NBPF19: variants seen among roughly 807,000 people sequenced by gnomAD.
The protein encoded by NBPF19 is NBPF family member NBPF19.
In NBPF19, 30 loss-of-function variants were observed where a neutral mutation model predicts 45.9. The ratio of observed to expected loss-of-function variants is 0.65; its 90% CI spans 0.49 to 0.89. The LOEUF is 0.89. Among genes scored for constraint, NBPF19 ranks in the 40% least tolerant of loss-of-function variants. The pLI is 0.00. For synonymous variants in NBPF19, 183 were observed against 181.2 expected, an observed-to-expected ratio of 1.01 and a Z score of -0.08; for missense variants, 495 against 471.8, an observed-to-expected ratio of 1.05 and a Z score of -0.46.
At position 149,488,309 on chromosome 1, in the gene NBPF19, C is replaced by A. The variant is rs2085741784; in HGVS notation, c.1213+124C>A. ...TTGCCACAGGGAGGACCTATAGGCACATGTAGGTTGAATGAAACTCTAGTT... is the reference window on the plus strand; with the variant it reads ...TTGCCACAGGGAGGACCTATAGGCAAATGTAGGTTGAATGAAACTCTAGTT... On this transcript the variant is annotated intron_variant, in intron 10 of 93. Transcript: ENST00000651566. 35 of 596,402 alleles carry A rather than the reference C, an allele frequency of 5.9e-5. 3 individuals carry two copies. The South Asian group carries it at 6.9e-4, about 12-fold the overall frequency. The allele number at this position is 596,402 out of a possible 1,614,324, so 36.9% of individuals were successfully genotyped here.
chr1:149,488,384 C>A lies in NBPF19; in HGVS notation c.1213+199C>A, dbSNP rs1430623522. Among the ~76,000 whole-genome samples, 6 of 142,674 alleles carry A rather than the reference C, an allele frequency of 4.2e-5. 1 individual carries two copies. Among genetic ancestry groups the A allele is most frequent in the African/African-American group, 1.6e-4 (6 of 38,020 alleles). 93.6% of individuals were successfully genotyped at this position (142,674 alleles called of 152,430 possible). ...TGGTTCAGTGAGCAAGGCTCTCTTC[C>A]TAGTCTCAGGCCATACCTGTGGCGC... On this transcript the variant is annotated intron_variant, in intron 10 of 93. Transcript: ENST00000651566.
chr1:149,487,513 T>A (rs1265364836), intron 9 of NBPF19, 130 bp downstream of exon 9: 1 of 991,960 alleles, frequency 1.0e-6, no homozygotes, highest in Non-Finnish European at 1.6e-6. Flanking sequence ...CCTAATACAT[T>A]GCTTTTTTGT....
chr1:149,475,476 G>A lies in NBPF19; in HGVS notation c.-355G>A, dbSNP rs1219989026. On this transcript the variant is annotated 5_prime_UTR_variant, in exon 1 of 94. Coordinates refer to ENST00000651566, the MANE Select transcript of NBPF19 (RefSeq NM_001351365.2). ...ATGGGTCTGTGGCATTGTCACAAGG[G>A]TACACGAATACTGAGAGTGAATGCT... Among the ~76,000 whole-genome samples, 1 of 151,108 alleles carries A rather than the reference G, an allele frequency of 6.6e-6. No homozygotes were observed.
intron 9 of NBPF19, among the ~76,000 whole-genome samples, chr1:149,487,709 C>T (rs1320227815): frequency 6.7e-6 from 1 of 149,750 alleles, no homozygotes; most frequent in Non-Finnish European, 1.5e-5. Flanking sequence ...GTCCTGAGAG[C>T]ACAAATACAG....
Position 149,554,934 on chromosome 1 carries a change from G to T in NBPF19, c.*196G>T. The T allele has an allele frequency of 1.1e-6, 1 of 935,054 alleles. No individual in the cohort carries two copies. The highest frequency in any genetic ancestry group is 1.6e-6 in the Non-Finnish European group (1 of 619,456). 57.9% of individuals were successfully genotyped at this position (935,054 alleles called of 1,614,324 possible). On this transcript the variant is annotated 3_prime_UTR_variant, in exon 94 of 94. Coordinates refer to ENST00000651566, the MANE Select transcript of NBPF19 (RefSeq NM_001351365.2). The stretch of plus-strand genomic sequence containing the variant: ...AAGACAATGGACCCACGTTAGGTGT[G>T]ACACGTTCACATAACTGTGCAGCAC...
At chr1:149,487,970 T>C (rs2085715587) in intron 9 of NBPF19, 43 bp from the exon 10 acceptor site, 2 of 694,946 alleles carry the variant, frequency 2.9e-6, no homozygotes, top group Non-Finnish European at 5.3e-6. Context: ...GTGTGGTTTC[T>C]GATTCCCCCT....
rs1425299120 is a variant in NBPF19, at chr1:149,487,399, T to G, written c.1040+16T>G. 47 of 1,397,810 alleles carry G rather than the reference T, an allele frequency of 3.4e-5. 1 individual carries two copies. In the South Asian group the frequency reaches 5.2e-4, roughly 15 times the overall value. 86.6% of individuals were successfully genotyped at this position (1,397,810 alleles called of 1,614,324 possible). A position where few individuals can be genotyped will look rare whatever the true frequency, so the allele number is the denominator to read the frequency against. Reference sequence around the variant, plus strand: ...CAGGTCCCAGGTGAGTCTGAGAAATTGTGGACAGTTAATTTGATGTTGACA... The same window carrying G: ...CAGGTCCCAGGTGAGTCTGAGAAATGGTGGACAGTTAATTTGATGTTGACA... On this transcript the variant is annotated intron_variant, in intron 9 of 93. Transcript: ENST00000651566.
In NBPF19 at chr1:149,555,048, A is replaced by T; in HGVS notation, c.*310A>T. The T allele has an allele frequency of 2.2e-6, 1 of 449,788 alleles. No homozygotes were observed. The highest frequency in any genetic ancestry group is 4.8e-5 in the East Asian group (1 of 20,860). The allele number at this position is 449,788 out of a possible 1,614,324, so 27.9% of individuals were successfully genotyped here. A position where few individuals can be genotyped will look rare whatever the true frequency, so the allele number is the denominator to read the frequency against. On this transcript the variant is annotated 3_prime_UTR_variant, in exon 94 of 94. Transcript: ENST00000651566. ...TCCTCAGGGATTTCATTTTGCAGGC[A>T]TGTCTCTGAGCTTCTATACCTGCTC...
Position 149,478,902 on chromosome 1 carries a change from T to A in NBPF19, c.301T>A (p.Ser101Thr). The change falls in exon 4 of 94, where the codon TCT becomes ACT. Residue 101 changes from serine (S) to threonine (T), a missense_variant. Around this residue, in one of 8 missense-constraint regions of NBPF19, gnomAD observed 69 missense variants for 87.8 expected, o/e 0.79. Coordinates refer to ENST00000651566, the MANE Select transcript of NBPF19 (RefSeq NM_001351365.2). ...TAGGCAATATAAAGTCCTGTTTCAC[T>A]CTCAGGAACGAGAGCTGACCCAGTT... is the stretch of plus-strand genomic sequence containing the variant. The part of the protein sequence containing the change: ...ELRQYKVLFH[S>T]QERELTQLRE... The A allele has an allele frequency of 6.2e-7, 1 of 1,606,342 alleles. No individual in the cohort carries two copies. The highest frequency in any genetic ancestry group is 1.1e-5 in the South Asian group (1 of 90,840).
In NBPF19 at chr1:149,486,177, A is replaced by T; in HGVS notation, c.872A>T (p.Asp291Val). 4 of 464,568 alleles carry T rather than the reference A, an allele frequency of 8.6e-6. No individual in the cohort carries two copies. Among genetic ancestry groups the T allele is most frequent in the Non-Finnish European group, 1.5e-5 (4 of 272,876 alleles). The allele number at this position is 464,568 out of a possible 1,614,324, so 28.8% of individuals were successfully genotyped here. A position where few individuals can be genotyped will look rare whatever the true frequency, so the allele number is the denominator to read the frequency against. ...EEEEVPQESWDEGYSTLSIPP... is the reference protein window; with the variant it reads ...EEEEVPQESWVEGYSTLSIPP... ...GAGGAAGTCCCCCAGGAGTCCTGGG[A>T]TGAAGGTTATTCGACTCTCTCAATT... Residue 291 changes from aspartate (D) to valine (V), a missense_variant, in exon 8 of 94, where the codon GAT (aspartate) becomes GTT (valine). Asp to Val is a radical substitution (Grantham distance 152). Transcript: ENST00000651566.
At position 149,487,376 on chromosome 1, in the gene NBPF19, G is replaced by T. The variant is rs1217065973; in HGVS notation, c.1033G>T (p.Gly345Cys). ...QVKKEDQEATGPRLSRELLDE... is the reference protein window; with the variant it reads ...QVKKEDQEATCPRLSRELLDE... ...GAAAAAGGAGGACCAAGAGGCAACA[G>T]GTCCCAGGTGAGTCTGAGAAATTGT... The change falls in exon 9 of 94, where the codon GGT becomes TGT. Residue 345 changes from glycine (G) to cysteine (C), a missense_variant. By Grantham distance (159) the Gly-to-Cys change is radical. This residue lies in a region of NBPF19 where 146 missense variants were observed against 67.3 expected (regional missense o/e 2.17). Transcript: ENST00000651566. 6.5e-7 allele frequency: 1 copy of T among 1,541,356 alleles called. No individual in the cohort carries two copies. The highest frequency in any genetic ancestry group is 8.9e-7 in the Non-Finnish European group (1 of 1,127,378).
At chr1:149,487,743 G>C (rs1446764682) in intron 9 of NBPF19, among the ~76,000 whole-genome samples, 1 of 149,856 alleles carries the variant, frequency 6.7e-6, no homozygotes, top group African/African-American at 2.5e-5. Flanking sequence ...TCCCTCATCA[G>C]TGTGTCACCT....
At chr1:149,477,740 T>G (rs1355503717) in intron 2 of NBPF19, among the ~76,000 whole-genome samples, 2 of 151,342 alleles carry the variant, frequency 1.3e-5, no homozygotes, top group African/African-American at 2.4e-5. Context: ...CGCCCTTGAG[T>G]TTCTCTTTCT....
At chr1:149,488,463 A>C (rs2085766854) in intron 10 of NBPF19, among the ~76,000 whole-genome samples, 1 of 131,012 alleles carries the variant, frequency 7.6e-6, no homozygotes, top group Non-Finnish European at 1.6e-5. Context: ...AATTCACACA[A>C]CTCTGATTTT....
At chr1:149,494,130 C>T (rs1362179790) in intron 17 of NBPF19, among the ~76,000 whole-genome samples, 188 bp from the exon 18 acceptor site, 2 of 133,828 alleles carry the variant, frequency 1.5e-5, no homozygotes, top group South Asian at 4.9e-4. Flanking sequence ...CTCTCCCTGT[C>T]TTTCTCTTTC....
intron 2 of NBPF19, 52 bp from the exon 3 acceptor site, chr1:149,477,893 A>G: frequency 6.4e-6 from 6 of 937,570 alleles, no homozygotes; most frequent in Non-Finnish European, 1.0e-5. Context: ...GGCAGTGACC[A>G]CAGCAGCATG....
chr1:149,487,960 G>A, intron 9 of NBPF19, 53 bp from the exon 10 acceptor site: 1 of 697,046 alleles, frequency 1.4e-6, no homozygotes, highest in Non-Finnish European at 2.7e-6. Flanking sequence ...AGCTGGGGCT[G>A]TGTGGTTTCT....
At chr1:149,528,907 G>T (rs1221850081) in intron 61 of NBPF19, among the ~76,000 whole-genome samples, 52 of 127,264 alleles carry the variant, frequency 4.1e-4, no homozygotes, top group Non-Finnish European at 6.9e-4. Flanking sequence ...CCTCATCAGT[G>T]TGTCACCTGG....
At position 149,488,154 on chromosome 1, in the gene NBPF19, A is replaced by G; in HGVS notation, c.1182A>G (p.Gln394=). ...GAAGTGCCTTTTACGTATTGGAGCA[A>G]CAGCGTGTTGGCTTGGCTATTGACA... is the stretch of plus-strand genomic sequence containing the variant. ...PYRSAFYVLE[Q]QRVGLAIDMD... Residue 394 remains glutamine, a synonymous_variant, in exon 10 of 94, where the codon CAA becomes CAG. Transcript: ENST00000651566. 1.5e-6 allele frequency: 1 copy of G among 680,402 alleles called. No individual in the cohort carries two copies. The highest frequency in any genetic ancestry group is 2.7e-5 in the East Asian group (1 of 36,576). The allele number at this position is 680,402 out of a possible 1,614,324, so 42.1% of individuals were successfully genotyped here.
Sources: allele counts gnomAD v4.1 joint callset (sites outside exome capture counted in the v4.1 genomes callset), GRCh38; gene constraint gnomAD v4.1.1; regional missense constraint gnomAD v4.1.1; transcripts MANE v1.5; gene names NCBI Gene and HGNC (gene_info 2026-07-23, HGNC 2026-07-21).